SLC14A2: variants seen among roughly 807,000 people sequenced by gnomAD.
The protein encoded by SLC14A2 is solute carrier family 14 member 2.
SLC14A2 carries 91 observed loss-of-function variants against 104.6 expected under a neutral mutation model. That is an observed-to-expected ratio of 0.87 (90% CI 0.73 to 1.04). The LOEUF is 1.04. Ranked by LOEUF, SLC14A2 falls within the 50% of genes least tolerant of loss-of-function variation. SLC14A2 has a pLI of 0.00. For missense variants in SLC14A2, 1,189 were observed against 1,156.0 expected, an observed-to-expected ratio of 1.03 and a Z score of -0.41; for synonymous variants, 476 against 466.4, an observed-to-expected ratio of 1.02 and a Z score of -0.27.
At chr18:45,643,433 G>T (rs764377795) in intron 9 of SLC14A2, among the ~76,000 whole-genome samples, 1 of 152,184 alleles carries the variant, frequency 6.6e-6, no homozygotes, top group African/African-American at 2.4e-5. Flanking sequence ...AAAACACGAC[G>T]GACAGATGGA....
At chr18:45,382,759 A>C (rs2085852510) in intron 1 of SLC14A2, among the ~76,000 whole-genome samples, 5 of 152,230 alleles carry the variant, frequency 3.3e-5, no homozygotes. Flanking sequence ...ATGTCTTCAG[A>C]TGTCTCTTTT....
intron 2 of SLC14A2, among the ~76,000 whole-genome samples, chr18:45,593,186 C>T (rs1021353778): frequency 4.6e-5 from 7 of 151,870 alleles, no homozygotes; most frequent in Admixed American, 1.3e-4. Flanking sequence ...GGCGTGGTGG[C>T]GGCGCCTGTA....
chr18:45,439,414 T>C (rs1349678227), intron 1 of SLC14A2, among the ~76,000 whole-genome samples: 3 of 151,994 alleles, frequency 2.0e-5, no homozygotes, highest in Non-Finnish European at 4.4e-5. Flanking sequence ...AAAAAAACTC[T>C]ACTGATTCTC....
At chr18:45,672,567 C>T (rs1265277487) in intron 16 of SLC14A2, among the ~76,000 whole-genome samples, 1 of 152,086 alleles carries the variant, frequency 6.6e-6, no homozygotes, top group Non-Finnish European at 1.5e-5. Flanking sequence ...TTTTTAAACC[C>T]CAACTTTGAT....
At chr18:45,204,742 G>A in the SLC14A2 span, among the ~76,000 whole-genome samples, 1 of 151,434 alleles carries the variant, frequency 6.6e-6, no homozygotes, top group African/African-American at 2.4e-5. Context: ...TTATATCAGT[G>A]AGCCAAATTC....
chr18:45,303,045 AAG>A (rs2084983810), intron 1 of SLC14A2, among the ~76,000 whole-genome samples: 1 of 152,194 alleles, frequency 6.6e-6, no homozygotes, highest in Admixed American at 6.5e-5. Context: ...GAAAAAGAAA[AAG>A]AAAACTTCAG....
chr18:45,391,499 C>A (rs368109426), intron 1 of SLC14A2, among the ~76,000 whole-genome samples: 107 of 152,172 alleles, frequency 7.0e-4, no homozygotes, highest in East Asian at 4.6e-3. Flanking sequence ...AGGAATCGCC[C>A]CACTGACTTC....
chr18:45,559,738 T>C (rs1454540195), intron 2 of SLC14A2, among the ~76,000 whole-genome samples: 1 of 152,226 alleles, frequency 6.6e-6, no homozygotes, highest in Non-Finnish European at 1.5e-5. Context: ...TCTGGTGCCA[T>C]TGGCTAAACT....
chr18:45,295,714 G>T (rs764220433), intron 1 of SLC14A2, among the ~76,000 whole-genome samples: 24 of 152,222 alleles, frequency 1.6e-4, no homozygotes, highest in Admixed American at 5.9e-4. Context: ...CTTGATAACT[G>T]ATTTCTGCAC....
At chr18:45,334,107 A>C (rs1568155798) in intron 1 of SLC14A2, among the ~76,000 whole-genome samples, 1 of 152,096 alleles carries the variant, frequency 6.6e-6, no homozygotes, top group East Asian at 1.9e-4. Context: ...TTGTTCCTTG[A>C]GGTGTGGGCA....
At chr18:45,287,879 C>T (rs933402495) in intron 1 of SLC14A2, among the ~76,000 whole-genome samples, 7 of 152,304 alleles carry the variant, frequency 4.6e-5, no homozygotes, top group Admixed American at 2.0e-4. Flanking sequence ...CCTACACTAG[C>T]ACAGCCAGCC....
intron 2 of SLC14A2, among the ~76,000 whole-genome samples, chr18:45,608,042 C>G (rs750434916): frequency 1.3e-4 from 20 of 152,218 alleles, no homozygotes; most frequent in Admixed American, 1.3e-3. Context: ...TGACCCCATT[C>G]CTGGGCATTA....
intron 1 of SLC14A2, among the ~76,000 whole-genome samples, chr18:45,364,838 A>T (rs559471179): frequency 1.3e-5 from 2 of 152,350 alleles, no homozygotes; most frequent in South Asian, 2.1e-4. Context: ...GAACTCACTC[A>T]CAGGAACTTG....
intron 1 of SLC14A2, among the ~76,000 whole-genome samples, chr18:45,413,873 G>C (rs2086240634): frequency 1.3e-5 from 2 of 152,034 alleles, no homozygotes; most frequent in Admixed American, 6.6e-5. Flanking sequence ...TGCTTGTTAG[G>C]TGTTTTGTGA....
intron 1 of SLC14A2, among the ~76,000 whole-genome samples, chr18:45,407,247 T>C (rs953489804): frequency 3.3e-5 from 5 of 152,264 alleles, no homozygotes; most frequent in African/African-American, 1.2e-4. Context: ...CTTGCTGCTT[T>C]ACCTTGCACT....
intron 1 of SLC14A2, among the ~76,000 whole-genome samples, chr18:45,306,616 A>G (rs1158662880): frequency 6.6e-6 from 1 of 152,126 alleles, no homozygotes; most frequent in Non-Finnish European, 1.5e-5. Flanking sequence ...AAATGTAAAA[A>G]CCATTCTCAT....
At chr18:45,453,948 C>T (rs1188499063) in intron 1 of SLC14A2, among the ~76,000 whole-genome samples, 2 of 148,064 alleles carry the variant, frequency 1.4e-5, no homozygotes, top group Non-Finnish European at 3.0e-5. Context: ...CAACCTCTGC[C>T]TCCCGGGTTC....
At chr18:45,639,413 C>T (rs2045479975) in intron 6 of SLC14A2, among the ~76,000 whole-genome samples, 1 of 152,178 alleles carries the variant, frequency 6.6e-6, no homozygotes, top group South Asian at 2.1e-4. Context: ...AGGAAATCCC[C>T]GAGAGCCCTG....
At chr18:45,633,249 T>G (rs2045372534) in intron 5 of SLC14A2, among the ~76,000 whole-genome samples, 1 of 152,202 alleles carries the variant, frequency 6.6e-6, no homozygotes, top group African/African-American at 2.4e-5. Context: ...CAATCTGCAC[T>G]ATTAAACCCC....
Sources: gnomAD v4.1 joint callset for allele counts (sites outside exome capture counted in the v4.1 genomes callset) on GRCh38, gnomAD v4.1.1 for gene constraint, MANE v1.5 for transcripts, NCBI Gene and HGNC (gene_info 2026-07-23, HGNC 2026-07-21) for gene names.